The following GRAMD1B variants were observed in gnomAD, a reference collection of about 807,000 sequenced individuals.
The protein encoded by GRAMD1B is protein Aster-B.
Under a neutral mutation model 99.7 loss-of-function variants are expected in GRAMD1B, and 37 were observed. That is an observed-to-expected ratio of 0.37 (90% CI 0.29 to 0.49). The LOEUF (loss-of-function observed/expected upper bound fraction) is 0.49. Among genes scored for constraint, GRAMD1B ranks in the 20% least tolerant of loss-of-function variants. The pLI is 0.98. For synonymous variants in GRAMD1B, 427 were observed against 387.6 expected (o/e 1.10, Z -1.19); for missense variants, 888 against 1,009.2 (o/e 0.88, Z 1.63).
At chr11:123,530,473 C>T (rs1374842263) in intron 2 of GRAMD1B, among the ~76,000 whole-genome samples, 3 of 152,176 alleles carry the variant, frequency 2.0e-5, no homozygotes, top group Non-Finnish European at 4.4e-5. Context: ...CCCGTCCCCC[C>T]GGATTCAAGT....
intron 1 of GRAMD1B, among the ~76,000 whole-genome samples, chr11:123,434,682 G>A (rs1949079828): frequency 6.6e-6 from 1 of 152,166 alleles, no homozygotes; most frequent in Non-Finnish European, 1.5e-5. Context: ...CAGCTACTCA[G>A]GAGGCTGAGG....
At chr11:123,371,439 T>C (rs952157490) in intron 1 of GRAMD1B, among the ~76,000 whole-genome samples, 4 of 152,188 alleles carry the variant, frequency 2.6e-5, no homozygotes, top group Non-Finnish European at 5.9e-5. Context: ...AGAATTTTTT[T>C]TTAAAGGTTG....
rs548660248 is a variant in GRAMD1B, at chr11:123,510,305, C to T, written c.452+29412C>T. ...ATCCTGACCTGTGGGTACCAGTTGG[C>T]GGGGTGATGGGAGGGCAGGCCTCCG... On this transcript the variant is annotated intron_variant, in intron 2 of 19. Coordinates refer to ENST00000635736, the MANE Select transcript of GRAMD1B (RefSeq NM_001387025.1). The surrounding 1 kb of genome is among the most constrained non-coding windows in gnomAD (Gnocchi z 4.3). 1.5e-3 allele frequency among the ~76,000 whole-genome samples: 233 copies of T among 152,188 alleles called. 2 individuals carry two copies. Among genetic ancestry groups the T allele is most frequent in the African/African-American group, 5.4e-3 (226 of 41,556 alleles).
chr11:123,593,052 C>T (rs1322375963), intron 4 of GRAMD1B, among the ~76,000 whole-genome samples: 3 of 151,988 alleles, frequency 2.0e-5, no homozygotes, highest in South Asian at 2.1e-4. Flanking sequence ...GCCAATATGG[C>T]GAAACCCCAT....
intron 1 of GRAMD1B, among the ~76,000 whole-genome samples, chr11:123,433,679 CGT>C (rs59262021): frequency 0.035 from 5,056 of 142,968 alleles, 123 homozygotes; most frequent in African/African-American, 0.068. Context: ...ATGTTACGTG[CGT>C]GTGTGTGTGT....
chr11:123,467,549 C>T (rs935592583), intron 1 of GRAMD1B, among the ~76,000 whole-genome samples: 34 of 152,084 alleles, frequency 2.2e-4, no homozygotes, highest in South Asian at 1.7e-3. Flanking sequence ...AACTTTGACA[C>T]GGGGGCAGGA....
At chr11:123,499,557 T>G (rs1427924142) in intron 2 of GRAMD1B, among the ~76,000 whole-genome samples, 1 of 152,184 alleles carries the variant, frequency 6.6e-6, no homozygotes, top group East Asian at 1.9e-4. Context: ...TCACCAACTT[T>G]CCAGGTTACT....
In GRAMD1B at chr11:123,579,160, G is replaced by A. The variant is rs1038802320; in HGVS notation, c.663+1583G>A. Among the ~76,000 whole-genome samples, 6 of 152,214 alleles carry A rather than the reference G, an allele frequency of 3.9e-5. No individual in the cohort carries two copies. In the East Asian group the frequency reaches 5.8e-4, roughly 15 times the overall value. ...TGTGGCCAGTGCCAGAGTCTTTCCCGGGAGCCCAGGAATTCTGAGGCCACA... is the reference window on the plus strand; with the variant it reads ...TGTGGCCAGTGCCAGAGTCTTTCCCAGGAGCCCAGGAATTCTGAGGCCACA... On this transcript the variant is annotated intron_variant, in intron 3 of 19. Transcript: ENST00000635736.
chr11:123,578,520 A>C (rs957061430), intron 3 of GRAMD1B: 3 of 914,898 alleles, frequency 3.3e-6, no homozygotes, highest in Non-Finnish European at 5.2e-6. Context: ...GGCCCTGCCG[A>C]TTCTGGCCCT....
At chr11:123,526,261 A>T in intron 2 of GRAMD1B, 1 of 1,097,298 alleles carries the variant, frequency 9.1e-7, no homozygotes, top group East Asian at 2.5e-5. Context: ...TCCTTCATTG[A>T]TGCCATCTCA....
intron 1 of GRAMD1B, among the ~76,000 whole-genome samples, chr11:123,440,470 C>G (rs1949355485): frequency 6.6e-6 from 1 of 152,080 alleles, no homozygotes. Context: ...GATAGCGCCA[C>G]TGCACTCCAG....
chr11:123,424,209 T>C (rs1948562900), intron 1 of GRAMD1B, among the ~76,000 whole-genome samples: 1 of 149,908 alleles, frequency 6.7e-6, no homozygotes, highest in African/African-American at 2.5e-5. Flanking sequence ...GTCACCAGAG[T>C]TGATGCTTCT....
intron 1 of GRAMD1B, among the ~76,000 whole-genome samples, chr11:123,414,937 T>G (rs1282696090): frequency 6.6e-6 from 1 of 152,122 alleles, no homozygotes; most frequent in Non-Finnish European, 1.5e-5. Flanking sequence ...TCAGAAGATA[T>G]TCTCACCTAC....
In GRAMD1B at chr11:123,587,668, C is replaced by T. The variant is rs1169803620; in HGVS notation, c.684+3336C>T. ...TTTCTGAGATCAGAGCACAGGAGCC[C>T]AGACCCTGGCAGCCGCCTGAGACTT... On this transcript the variant is annotated intron_variant, in intron 4 of 19. Transcript: ENST00000635736. The surrounding 1 kb of genome is among the most constrained non-coding windows in gnomAD (Gnocchi z 4.2). 6.6e-6 allele frequency among the ~76,000 whole-genome samples: 1 copy of T among 152,206 alleles called. No homozygotes were observed. The highest frequency in any genetic ancestry group is 1.5e-5 in the Non-Finnish European group (1 of 68,044).
chr11:123,468,009 ATG>A (rs1472331422), intron 1 of GRAMD1B, among the ~76,000 whole-genome samples: 3 of 151,810 alleles, frequency 2.0e-5, no homozygotes, highest in East Asian at 3.9e-4. Context: ...GATTACAGGC[ATG>A]CCCACCACAC....
intron 1 of GRAMD1B, among the ~76,000 whole-genome samples, chr11:123,471,185 T>A (rs1352114430): frequency 6.6e-6 from 1 of 152,208 alleles, no homozygotes; most frequent in African/African-American, 2.4e-5. Context: ...GAGAATCTGA[T>A]GAAGGCTGTA....
chr11:123,419,546 G>A (rs1419679738), intron 1 of GRAMD1B, among the ~76,000 whole-genome samples: 3 of 152,138 alleles, frequency 2.0e-5, no homozygotes, highest in Non-Finnish European at 4.4e-5. Flanking sequence ...CAGGAGGATT[G>A]CCTGAGGCCA....
chr11:123,376,359 A>G (rs1313791698), intron 1 of GRAMD1B, among the ~76,000 whole-genome samples: 1 of 152,190 alleles, frequency 6.6e-6, no homozygotes, highest in East Asian at 1.9e-4. Flanking sequence ...ACTCATGAAA[A>G]TGTGTTGAGT....
intron 1 of GRAMD1B, among the ~76,000 whole-genome samples, chr11:123,450,793 A>T (rs1045327427): frequency 6.6e-6 from 1 of 152,100 alleles, no homozygotes; most frequent in Non-Finnish European, 1.5e-5. Context: ...ACCTTGGGAG[A>T]TGACAGGATT....
Sources: gnomAD v4.1 joint callset for allele counts (sites outside exome capture counted in the v4.1 genomes callset) on GRCh38, gnomAD v4.1.1 for gene constraint, Gnocchi (gnomAD v3.1) non-coding constraint, MANE v1.5 for transcripts, NCBI Gene and HGNC (gene_info 2026-07-23, HGNC 2026-07-21) for gene names.